Variants in ZFHX3 observed in about 807,000 individuals in gnomAD.
ZFHX3 encodes the protein zinc finger homeobox protein 3.
A neutral mutation model predicts 279.1 loss-of-function variants in ZFHX3; 42 were observed. The ratio of observed to expected loss-of-function variants is 0.15; its 90% CI spans 0.12 to 0.19. The LOEUF (loss-of-function observed/expected upper bound fraction) is 0.19, where lower values mean the gene tolerates loss of function less well. Ranked by LOEUF, ZFHX3 falls within the 10% of genes least tolerant of loss-of-function variation. The probability of loss-of-function intolerance (pLI) is 1.00; values close to 1 mark genes in which losing one functional copy is unlikely to be tolerated. For synonymous variants in ZFHX3, 2,293 were observed against 1,957.8 expected, an observed-to-expected ratio of 1.17 and a Z score of -4.52; for missense variants, 4,981 against 4,754.0, an observed-to-expected ratio of 1.05 and a Z score of -1.40.
chr16:73,171,236 C>A (rs77986888), intron 5 of ZFHX3, among the ~76,000 whole-genome samples: 2 of 152,066 alleles, frequency 1.3e-5, no homozygotes, highest in East Asian at 3.9e-4. Context: ...CAAACTGGGA[C>A]GCTTTTGAGA....
At chr16:73,117,660 C>T (rs78900543) in intron 7 of ZFHX3, among the ~76,000 whole-genome samples, 2 of 152,198 alleles carry the variant, frequency 1.3e-5, no homozygotes, top group Non-Finnish European at 2.9e-5. Flanking sequence ...TCTCTAGCCT[C>T]CTGCTATAGA....
At chr16:72,904,798 G>C (rs2039130816) in intron 3 of ZFHX3, among the ~76,000 whole-genome samples, 2 of 152,050 alleles carry the variant, frequency 1.3e-5, no homozygotes, top group South Asian at 4.2e-4. Flanking sequence ...ACAGCACCAG[G>C]TGGTCCCGAT....
intron 3 of ZFHX3, among the ~76,000 whole-genome samples, chr16:72,915,145 T>A (rs1412236751): frequency 6.6e-6 from 1 of 152,210 alleles, no homozygotes; most frequent in African/African-American, 2.4e-5. Context: ...GTCCCCTACC[T>A]GCACACCCGC....
intron 2 of ZFHX3, among the ~76,000 whole-genome samples, chr16:73,467,479 G>C (rs1367302176): frequency 6.6e-6 from 1 of 152,090 alleles, no homozygotes; most frequent in African/African-American, 2.4e-5. Flanking sequence ...TAGGTAGCAG[G>C]GAAGTATTCA....
chr16:73,092,895 A>G, intron 8 of ZFHX3: 2 of 519,654 alleles, frequency 3.8e-6, no homozygotes, highest in East Asian at 1.1e-4. Flanking sequence ...TGTGTGTCCC[A>G]CGCGCTCCTG....
chr16:73,710,034 A>G (rs149043805), intron 1 of ZFHX3, among the ~76,000 whole-genome samples: 2 of 142,754 alleles, frequency 1.4e-5, no homozygotes, highest in Non-Finnish European at 3.1e-5. Flanking sequence ...ATACAAAAAA[A>G]TTGGCTGGTG....
At chr16:72,902,555 T>G (rs566505995) in intron 3 of ZFHX3, among the ~76,000 whole-genome samples, 2 of 152,306 alleles carry the variant, frequency 1.3e-5, no homozygotes, top group South Asian at 2.1e-4. Flanking sequence ...CAAAATAGAT[T>G]AACAGAAAAC....
intron 4 of ZFHX3, among the ~76,000 whole-genome samples, chr16:72,859,548 T>G (rs1185822678): frequency 1.3e-5 from 2 of 152,194 alleles, no homozygotes; most frequent in Non-Finnish European, 2.9e-5. Flanking sequence ...AGGCCCCACT[T>G]TTTTCTGTCT....
At chr16:73,328,751 CA>C (rs1401975647) in intron 3 of ZFHX3, among the ~76,000 whole-genome samples, 3 of 152,162 alleles carry the variant, frequency 2.0e-5, no homozygotes, top group Non-Finnish European at 2.9e-5. Flanking sequence ...AGGATAAAAC[CA>C]GGGTGATTGC....
chr16:73,253,157 A>G (rs1371097586), intron 5 of ZFHX3, among the ~76,000 whole-genome samples: 1 of 152,168 alleles, frequency 6.6e-6, no homozygotes, highest in Non-Finnish European at 1.5e-5. Context: ...CGTTTGCTCA[A>G]GGACTCCTCC....
Position 73,100,501 on chromosome 16 carries a change from C to T in ZFHX3, c.-896-6903G>A, listed in dbSNP as rs553737583. 2.0e-5 allele frequency among the ~76,000 whole-genome samples: 3 copies of T among 152,186 alleles called. 1 individual carries two copies. In the South Asian group the frequency reaches 6.2e-4, roughly 32 times the overall value. ...GAAGTGGCAGAGTGCAAGAAAGCCC[C>T]TTCACCATACTTAAATGGAGACATC... is the stretch of plus-strand genomic sequence containing the variant. On this transcript the variant is annotated intron_variant, in intron 7 of 17. Coordinates refer to the ZFHX3 transcript ENST00000641206.
chr16:73,271,726 G>T (rs997134782), intron 4 of ZFHX3, among the ~76,000 whole-genome samples: 1 of 152,176 alleles, frequency 6.6e-6, no homozygotes, highest in African/African-American at 2.4e-5. Context: ...GAGGAATTAT[G>T]TCCTGGCTGA....
chr16:73,636,885 G>A (rs2052531556), intron 2 of ZFHX3, among the ~76,000 whole-genome samples: 2 of 151,902 alleles, frequency 1.3e-5, no homozygotes, highest in African/African-American at 4.8e-5. Context: ...AAGTTTATTT[G>A]GGCTAGGGGT....
At chr16:73,347,439 A>T (rs1317605900) in intron 3 of ZFHX3, among the ~76,000 whole-genome samples, 2 of 152,240 alleles carry the variant, frequency 1.3e-5, no homozygotes, top group African/African-American at 4.8e-5. Flanking sequence ...CATCTGGGGC[A>T]TCAGGGACTC....
chr16:73,833,040 C>G (rs1220854602), intron 1 of ZFHX3, among the ~76,000 whole-genome samples: 1 of 152,138 alleles, frequency 6.6e-6, no homozygotes, highest in Non-Finnish European at 1.5e-5. Context: ...CAGAAGTTCT[C>G]AAAAATAGTT....
chr16:73,239,796 C>T (rs7203799), intron 5 of ZFHX3, among the ~76,000 whole-genome samples: 20,957 of 152,094 alleles, frequency 0.14, 2,167 homozygotes, highest in East Asian at 0.43. Flanking sequence ...TCTCAAGATA[C>T]TATGAGCAAT....
intron 1 of ZFHX3, among the ~76,000 whole-genome samples, chr16:73,889,058 C>T (rs1025818334): frequency 6.6e-6 from 1 of 152,148 alleles, no homozygotes; most frequent in African/African-American, 2.4e-5. Context: ...AACACAGGCC[C>T]ACTGATTTGT....
intron 7 of ZFHX3, among the ~76,000 whole-genome samples, chr16:73,103,492 A>G (rs1445675222): frequency 6.6e-6 from 1 of 152,090 alleles, no homozygotes; most frequent in Admixed American, 6.5e-5. Flanking sequence ...AGAATTAATT[A>G]CTTCCTTATC....
chr16:73,492,982 T>C (rs1360204221), intron 2 of ZFHX3, among the ~76,000 whole-genome samples: 2 of 152,226 alleles, frequency 1.3e-5, no homozygotes, highest in Non-Finnish European at 1.5e-5. Flanking sequence ...AAGTATTATA[T>C]ACATTTTATT....
Sources: gnomAD v4.1 joint callset for allele counts (sites outside exome capture counted in the v4.1 genomes callset) on GRCh38, gnomAD v4.1.1 for gene constraint, MANE v1.5 for transcripts, NCBI Gene and HGNC (gene_info 2026-07-23, HGNC 2026-07-21) for gene names.